The following GYS2 variants were observed in gnomAD, a reference collection of about 807,000 sequenced individuals.
The protein encoded by GYS2 is glycogen [starch] synthase, liver.
A neutral mutation model predicts 85.6 loss-of-function variants in GYS2; 80 were observed. The observed-to-expected ratio is 0.93, with a 90% CI of 0.78 to 1.13. The LOEUF (loss-of-function observed/expected upper bound fraction) is 1.13. Among genes scored for constraint, GYS2 ranks in the 50% most tolerant of loss-of-function variants. The probability of loss-of-function intolerance (pLI) is 0.00; values close to 1 mark genes in which losing one functional copy is unlikely to be tolerated. For synonymous variants in GYS2, 328 were observed against 300.7 expected (o/e 1.09, Z -0.94); for missense variants, 881 against 854.9 (o/e 1.03, Z -0.38).
intron 5 of GYS2, among the ~76,000 whole-genome samples, chr12:21,565,045 G>T (rs565145660): frequency 6.6e-6 from 1 of 151,848 alleles, no homozygotes; most frequent in African/African-American, 2.4e-5. Context: ...GTAATCCTCA[G>T]CAGTTTTCCA....
intron 12 of GYS2, 98 bp downstream of exon 12, chr12:21,546,246 T>C (rs1432375602): frequency 1.1e-5 from 10 of 889,692 alleles, no homozygotes; most frequent in Non-Finnish European, 1.7e-5. Flanking sequence ...TGAAATCTTA[T>C]TAGAAATTTA....
intron 1 of GYS2, among the ~76,000 whole-genome samples, chr12:21,585,041 T>C (rs2136919444): frequency 6.6e-6 from 1 of 152,318 alleles, no homozygotes; most frequent in Non-Finnish European, 1.5e-5. Context: ...AGGCTGTGTA[T>C]GCTCTGAATC....
intron 2 of GYS2, 27 bp from the exon 3 acceptor site, chr12:21,576,084 A>AGT (rs1476267489): frequency 1.7e-5 from 27 of 1,560,470 alleles, no homozygotes; most frequent in Non-Finnish European, 2.4e-5. Flanking sequence ...ACAGCCATGT[A>AGT]GTGATATTAA....
At chr12:21,549,653 G>T (rs1565594499) in intron 11 of GYS2, among the ~76,000 whole-genome samples, 1 of 152,078 alleles carries the variant, frequency 6.6e-6, no homozygotes, top group Non-Finnish European at 1.5e-5. Context: ...TATTTATTTT[G>T]ATGTATGTCC....
At chr12:21,589,950 C>G (rs1944616246) in intron 1 of GYS2, among the ~76,000 whole-genome samples, 1 of 152,124 alleles carries the variant, frequency 6.6e-6, no homozygotes, top group Admixed American at 6.5e-5. Flanking sequence ...GCTGACATCC[C>G]CCACCCACAG....
chr12:21,542,472 T>G (rs1415753181), intron 13 of GYS2, 24 bp downstream of exon 13: 1 of 1,463,094 alleles, frequency 6.8e-7, no homozygotes, highest in Non-Finnish European at 9.6e-7. Flanking sequence ...CTCCCCAGCA[T>G]GGGTTAATGA....
chr12:21,581,504 T>C (rs896801077), intron 1 of GYS2, among the ~76,000 whole-genome samples: 11 of 152,170 alleles, frequency 7.2e-5, no homozygotes, highest in African/African-American at 2.7e-4. Context: ...GCTTGGTTGT[T>C]GGAGATGTGA....
Position 21,546,832 on chromosome 12 carries a change from A to G in GYS2, c.1423-362T>C, listed in dbSNP as rs35738096. Among the ~76,000 whole-genome samples, 463 of 152,224 alleles carry G rather than the reference A, an allele frequency of 3.0e-3. 3 individuals are homozygous for G. The highest frequency in any genetic ancestry group is 7.9e-3 in the Admixed American group (121 of 15,280). On this transcript the variant is annotated intron_variant, in intron 11 of 15. Transcript: ENST00000261195. ...TCTAATTGCTCTTGTCTTTTTATCT[A>G]TTTGTTCCCAACTTGAGCAGGGAAG...
At chr12:21,547,509 A>C (rs1055427607) in intron 11 of GYS2, among the ~76,000 whole-genome samples, 1 of 152,230 alleles carries the variant, frequency 6.6e-6, no homozygotes, top group Non-Finnish European at 1.5e-5. Flanking sequence ...TAAGTGAAAG[A>C]AGCTCATCTG....
chr12:21,558,208 T>TA lies in GYS2; in HGVS notation c.1413dup (p.Arg472Ter). 1.9e-6 allele frequency: 3 copies of TA among 1,590,500 alleles called. No homozygotes were observed. The highest frequency in any genetic ancestry group is 2.6e-6 in the Non-Finnish European group (3 of 1,158,444). On this transcript the variant is annotated frameshift_variant, in exon 11 of 16. Coordinates refer to ENST00000261195, the MANE Select transcript of GYS2 (RefSeq NM_021957.4). LOFTEE classifies it high-confidence loss of function. ...TGAACAATTTGTTCTACCTTGACTC[T>TA]ATCTGTGCGGTTGTTGAAAAGTCCA... is the stretch of plus-strand genomic sequence containing the variant.
Position 21,591,508 on chromosome 12 carries a change from C to A in GYS2, c.122-10985G>T, listed in dbSNP as rs147044439. Among the ~76,000 whole-genome samples, 1,470 of 151,956 alleles carry A rather than the reference C, an allele frequency of 9.7e-3. 14 individuals carry two copies. The highest frequency in any genetic ancestry group is 0.017 in the Non-Finnish European group (1,161 of 67,944). On this transcript the variant is annotated intron_variant, in intron 1 of 15. Transcript: ENST00000261195. ...GACATATGAGGCACTATAAAGTGAACAAATATTCAAATTTGCAGTTTCCCA... is the reference window on the plus strand; with the variant it reads ...GACATATGAGGCACTATAAAGTGAAAAAATATTCAAATTTGCAGTTTCCCA...
intron 12 of GYS2, among the ~76,000 whole-genome samples, chr12:21,545,250 C>T (rs911278486): frequency 6.6e-6 from 1 of 152,180 alleles, no homozygotes; most frequent in African/African-American, 2.4e-5. Context: ...TGAGACCAGC[C>T]TGGCCAACAT....
At chr12:21,554,691 G>A (rs1470737091) in intron 11 of GYS2, among the ~76,000 whole-genome samples, 1 of 152,138 alleles carries the variant, frequency 6.6e-6, no homozygotes, top group African/African-American at 2.4e-5. Flanking sequence ...AAGGTGCAAG[G>A]AAATAACGAC....
chr12:21,547,771 T>C (rs994909311), intron 11 of GYS2, among the ~76,000 whole-genome samples: 2 of 152,104 alleles, frequency 1.3e-5, no homozygotes, highest in African/African-American at 4.8e-5. Flanking sequence ...TGGGTGGTAA[T>C]TATGTGCCAA....
intron 2 of GYS2, among the ~76,000 whole-genome samples, chr12:21,578,514 A>G (rs1944471870): frequency 6.6e-6 from 1 of 152,190 alleles, no homozygotes; most frequent in East Asian, 1.9e-4. Flanking sequence ...AGTCATGACT[A>G]CATCTCAAAC....
intron 5 of GYS2, among the ~76,000 whole-genome samples, chr12:21,567,134 C>T (rs762919050): frequency 6.6e-6 from 1 of 152,154 alleles, no homozygotes; most frequent in East Asian, 1.9e-4. Flanking sequence ...TTTTTGGAAA[C>T]ACAATTTTAG....
intron 12 of GYS2, among the ~76,000 whole-genome samples, chr12:21,545,180 C>T (rs1038654606): frequency 2.6e-5 from 4 of 152,144 alleles, no homozygotes; most frequent in East Asian, 1.9e-4. Flanking sequence ...TGATGGCTCA[C>T]GTCTATAATC....
intron 1 of GYS2, among the ~76,000 whole-genome samples, chr12:21,600,745 A>G (rs976236458): frequency 6.6e-5 from 10 of 151,736 alleles, no homozygotes; most frequent in African/African-American, 2.4e-4. Context: ...AGGTTTAGAA[A>G]CTCCTTGAGT....
downstream of GYS2, among the ~76,000 whole-genome samples, chr12:21,534,164 C>T (rs1157802849): frequency 6.6e-6 from 1 of 152,186 alleles, no homozygotes; most frequent in Non-Finnish European, 1.5e-5. Context: ...ACACAGTACA[C>T]TCCTTGACTT....
Sources: allele counts gnomAD v4.1 joint callset (sites outside exome capture counted in the v4.1 genomes callset), GRCh38; gene constraint gnomAD v4.1.1; transcripts MANE v1.5; gene names NCBI Gene and HGNC (gene_info 2026-07-23, HGNC 2026-07-21).